The following LGALS3 variants were observed in gnomAD, a reference collection of about 807,000 sequenced individuals.
LGALS3 encodes the protein galectin 3.
A neutral mutation model predicts 20.7 loss-of-function variants in LGALS3; 18 were observed. The ratio of observed to expected loss-of-function variants is 0.87; its 90% CI spans 0.60 to 1.29. The LOEUF is 1.29. Ranked by LOEUF, LGALS3 falls within the 50% of genes most tolerant of loss-of-function variation. The pLI is 0.00. For synonymous variants in LGALS3, 112 were observed against 119.6 expected (o/e 0.94, Z 0.42); for missense variants, 315 against 314.7 (o/e 1.00, Z -0.01).
intron 5 of LGALS3, among the ~76,000 whole-genome samples, chr14:55,144,316 G>C (rs908419853): frequency 3.3e-5 from 5 of 152,108 alleles, no homozygotes; most frequent in Non-Finnish European, 7.4e-5. Context: ...GCTAATTTTT[G>C]TATTTTTCTT....
At chr14:55,144,961 A>G (rs1378442658) in intron 5 of LGALS3, among the ~76,000 whole-genome samples, 155 bp from the exon 6 acceptor site, 3 of 152,244 alleles carry the variant, frequency 2.0e-5, no homozygotes, top group Non-Finnish European at 4.4e-5. Flanking sequence ...CTCAGGCCAG[A>G]CTGGTTTGAA....
At chr14:55,131,655 T>A (rs543809191) in intron 1 of LGALS3, among the ~76,000 whole-genome samples, 3 of 152,324 alleles carry the variant, frequency 2.0e-5, no homozygotes, top group African/African-American at 7.2e-5. Flanking sequence ...AAATTCTGAG[T>A]GGGTAACTTA....
intron 1 of LGALS3, among the ~76,000 whole-genome samples, chr14:55,135,686 C>T (rs1238983090): frequency 2.6e-5 from 4 of 151,616 alleles, no homozygotes; most frequent in African/African-American, 9.7e-5. Flanking sequence ...CACCTCAGCC[C>T]CTCGAGTAGC....
Position 55,130,757 on chromosome 14 carries a change from G to T in LGALS3, c.-5+1457G>T, listed in dbSNP as rs982138173. Among the ~76,000 whole-genome samples the T allele has an allele frequency of 5.8e-4, 86 of 149,474 alleles. 1 individual carries two copies. Among genetic ancestry groups the T allele is most frequent in the Admixed American group, 1.2e-3 (18 of 15,140 alleles). On this transcript the variant is annotated intron_variant, in intron 1 of 5. Coordinates refer to ENST00000254301, the MANE Select transcript of LGALS3 (RefSeq NM_002306.4). ...TATTTTTCGTGGTGGTGGTGGTGGG[G>T]GGGGGGGGGTCCCTCCATGTTGGTC...
intron 1 of LGALS3, 117 bp from the exon 2 acceptor site, chr14:55,137,253 C>G (rs1881426900): frequency 3.1e-6 from 3 of 982,856 alleles, no homozygotes; most frequent in Non-Finnish European, 5.0e-6. Context: ...ACACTACTGA[C>G]TTAGGCATAA....
intron 1 of LGALS3, among the ~76,000 whole-genome samples, chr14:55,133,292 A>C (rs995901903): frequency 6.6e-6 from 1 of 152,154 alleles, no homozygotes; most frequent in Non-Finnish European, 1.5e-5. Flanking sequence ...CCACCATGTT[A>C]TCTCTCTGAG....
chr14:55,135,249 A>T (rs1240333220), intron 1 of LGALS3, among the ~76,000 whole-genome samples: 2 of 152,184 alleles, frequency 1.3e-5, no homozygotes, highest in South Asian at 4.1e-4. Flanking sequence ...AGCATCCCCA[A>T]TGCAGAAATC....
Position 55,129,455 on chromosome 14 carries a change from G to C in LGALS3, c.-5+155G>C, listed in dbSNP as rs1395263113. Among the ~76,000 whole-genome samples, 1 of 152,118 alleles carries C rather than the reference G, an allele frequency of 6.6e-6. No homozygotes were observed. ...CCACAGCCTGTGCTCTGCCCTCCAGGAGCGGGGCGGCGGGCAGCGATCTGG... is the reference window on the plus strand; with the variant it reads ...CCACAGCCTGTGCTCTGCCCTCCAGCAGCGGGGCGGCGGGCAGCGATCTGG... On this transcript the variant is annotated intron_variant, in intron 1 of 5. Transcript: ENST00000254301. The surrounding 1 kb of genome is among the most constrained non-coding windows in gnomAD (Gnocchi z 5.3).
At chr14:55,140,669 T>C (rs1881590578) in intron 4 of LGALS3, among the ~76,000 whole-genome samples, 1 of 152,176 alleles carries the variant, frequency 6.6e-6, no homozygotes, top group Non-Finnish European at 1.5e-5. Context: ...ATAAGGAATA[T>C]TGCTCTCCCC....
chr14:55,143,228 C>T (rs1349388921), intron 5 of LGALS3, among the ~76,000 whole-genome samples: 2 of 152,108 alleles, frequency 1.3e-5, no homozygotes, highest in East Asian at 3.9e-4. Context: ...AGTATCTTCC[C>T]AGTATTTTCT....
chr14:55,137,735 A>G (rs1449649168), intron 2 of LGALS3: 19 of 1,335,788 alleles, frequency 1.4e-5, no homozygotes, highest in Non-Finnish European at 1.6e-5. Context: ...TGTTTTTCTC[A>G]CGGTGATGAA....
intron 1 of LGALS3, among the ~76,000 whole-genome samples, chr14:55,131,840 G>T (rs917587557): frequency 1.3e-5 from 2 of 152,170 alleles, no homozygotes; most frequent in Non-Finnish European, 2.9e-5. Context: ...GAAATCCTAG[G>T]AAAGGACCAG....
At chr14:55,136,679 T>C (rs1177546272) in intron 1 of LGALS3, among the ~76,000 whole-genome samples, 1 of 152,208 alleles carries the variant, frequency 6.6e-6, no homozygotes, top group Non-Finnish European at 1.5e-5. Flanking sequence ...AGTTATACTT[T>C]TAGTTATTTT....
chr14:55,144,500 T>C (rs1001146222), intron 5 of LGALS3, among the ~76,000 whole-genome samples: 5 of 151,416 alleles, frequency 3.3e-5, no homozygotes, highest in African/African-American at 7.3e-5. Context: ...GCTTCACTTA[T>C]GTATCCTTCT....
rs182081011 is a variant in LGALS3, at chr14:55,142,972, C to T, written c.597+223C>T. On this transcript the variant is annotated intron_variant, in intron 5 of 5. Coordinates refer to ENST00000254301, the MANE Select transcript of LGALS3 (RefSeq NM_002306.4). ...AGGCACCTCTCCATCATCACTGCTG[C>T]CACCCCTCTGAGTTTAAGCCTTTCT... 1.4e-4 allele frequency among the ~76,000 whole-genome samples: 21 copies of T among 152,230 alleles called. No individual in the cohort carries two copies. In the East Asian group the frequency reaches 3.9e-3, roughly 28 times the overall value.
At position 55,138,220 on chromosome 14, in the gene LGALS3, G is replaced by A; in HGVS notation, c.194G>A (p.Gly65Glu). The change falls in exon 3 of 6, where the codon GGA becomes GAA. Residue 65 changes from glycine (G) to glutamate (E), a missense_variant. Physicochemically the swap from Gly to Glu is moderately conservative, Grantham distance 98. Coordinates refer to ENST00000254301, the MANE Select transcript of LGALS3 (RefSeq NM_002306.4). ...PGQAPPGAYP[G>E]APGAYPGAPA... Reference sequence around the variant, plus strand: ...CAGGCACCTCCAGGCGCCTACCCTGGAGCACCTGGAGCTTATCCCGGAGCA... The same window carrying A: ...CAGGCACCTCCAGGCGCCTACCCTGAAGCACCTGGAGCTTATCCCGGAGCA... 6.2e-7 allele frequency: 1 copy of A among 1,612,696 alleles called. No homozygotes were observed. Among genetic ancestry groups the A allele is most frequent in the Non-Finnish European group, 8.5e-7 (1 of 1,179,406 alleles).
At chr14:55,137,291 A>G (rs1388888373) in intron 1 of LGALS3, 79 bp from the exon 2 acceptor site, 3 of 1,321,586 alleles carry the variant, frequency 2.3e-6, no homozygotes, top group Non-Finnish European at 3.3e-6. Flanking sequence ...GAACTGCACA[A>G]TGAACTAGTG....
intron 4 of LGALS3, 89 bp from the exon 5 acceptor site, chr14:55,142,495 T>G: frequency 9.3e-7 from 1 of 1,076,438 alleles, no homozygotes; most frequent in South Asian, 1.7e-5. Flanking sequence ...ATTATGAAAT[T>G]ATTTGCTTTT....
At chr14:55,136,304 G>C (rs560806902) in intron 1 of LGALS3, among the ~76,000 whole-genome samples, 9 of 151,278 alleles carry the variant, frequency 5.9e-5, no homozygotes, top group African/African-American at 2.2e-4. Context: ...GGAATAACAA[G>C]TACCTTTGAA....
Sources: allele counts gnomAD v4.1 joint callset (sites outside exome capture counted in the v4.1 genomes callset), GRCh38; gene constraint gnomAD v4.1.1; non-coding constraint Gnocchi (gnomAD v3.1); transcripts MANE v1.5; gene names NCBI Gene and HGNC (gene_info 2026-07-23, HGNC 2026-07-21).